TACC2: variants seen among roughly 807,000 people sequenced by gnomAD.
The protein encoded by TACC2 is transforming acidic coiled-coil containing protein 2.
In TACC2, 137 loss-of-function variants were observed where a neutral mutation model predicts 227.3. The ratio of observed to expected loss-of-function variants is 0.60; its 90% CI spans 0.52 to 0.69. The LOEUF is 0.69. TACC2 is among the 30% of genes least tolerant of loss of function. The pLI is 0.00. For synonymous variants in TACC2, 1,523 were observed against 1,487.5 expected (o/e 1.02, Z -0.55); for missense variants, 3,470 against 3,694.4 (o/e 0.94, Z 1.57).
chr10:121,992,728 G>C (rs184001964), intron 1 of TACC2, among the ~76,000 whole-genome samples: 77 of 152,168 alleles, frequency 5.1e-4, no homozygotes, highest in Non-Finnish European at 9.3e-4. Context: ...GCCAAGGAGG[G>C]TGGATTGCCT....
At chr10:122,032,641 G>T (rs551492145) in intron 2 of TACC2, among the ~76,000 whole-genome samples, 1 of 152,218 alleles carries the variant, frequency 6.6e-6, no homozygotes, top group Non-Finnish European at 1.5e-5. Flanking sequence ...CAGCATGGGT[G>T]CATGCCTCAT....
chr10:122,040,776 A>G (rs2074157811), intron 2 of TACC2, among the ~76,000 whole-genome samples: 1 of 152,230 alleles, frequency 6.6e-6, no homozygotes, highest in South Asian at 2.1e-4. Flanking sequence ...AACTCTAGAA[A>G]CTGTGATCAA....
Position 122,141,890 on chromosome 10 carries a change from GT to G in TACC2, c.5700-1681del, listed in dbSNP as rs2090619350. On this transcript the variant is annotated intron_variant, in intron 6 of 22. Coordinates refer to ENST00000369005, the MANE Select transcript of TACC2 (RefSeq NM_206862.4). This position sits in a 1 kb window ranked among gnomAD's most constrained non-coding sequence, Gnocchi z 4.3. ...GAAGTTAGACTAGTAGTTTGCGTTT[GT>G]AAGTGGTCCATTTGCCGATTATGAG... Among the ~76,000 whole-genome samples, 1 of 152,174 alleles carries G rather than the reference GT, an allele frequency of 6.6e-6. No individual in the cohort carries two copies. The highest frequency in any genetic ancestry group is 2.4e-5 in the African/African-American group (1 of 41,448).
At chr10:122,228,125 C>T (rs551134928) in intron 14 of TACC2, 117 bp downstream of exon 14, 29 of 1,096,920 alleles carry the variant, frequency 2.6e-5, no homozygotes, top group Admixed American at 2.6e-4. Context: ...CCATGGGTCC[C>T]ACCCTGACTC....
At chr10:122,118,258 G>A (rs867004399) in intron 5 of TACC2, among the ~76,000 whole-genome samples, 7 of 152,154 alleles carry the variant, frequency 4.6e-5, no homozygotes, top group Middle Eastern at 3.4e-3. Flanking sequence ...CAGGCCATCC[G>A]GCCGCCTCGG....
At chr10:122,034,013 G>A (rs941594728) in intron 2 of TACC2, among the ~76,000 whole-genome samples, 4 of 151,958 alleles carry the variant, frequency 2.6e-5, no homozygotes, top group Non-Finnish European at 5.9e-5. Flanking sequence ...TTAGCTAGGC[G>A]TGGTGGCGCA....
chr10:122,244,294 C>G (rs1271849124), intron 19 of TACC2, among the ~76,000 whole-genome samples: 2 of 152,202 alleles, frequency 1.3e-5, no homozygotes, highest in Non-Finnish European at 2.9e-5. Flanking sequence ...CCTGAGACTC[C>G]TCCAGTGTCC....
intron 3 of TACC2, among the ~76,000 whole-genome samples, chr10:122,055,245 AG>A (rs2076110768): frequency 6.6e-6 from 1 of 152,124 alleles, no homozygotes; most frequent in Non-Finnish European, 1.5e-5. Context: ...AAAAAAGTGA[AG>A]AAGGGTGACG....
chr10:122,162,240 G>T (rs1166428518), intron 7 of TACC2, among the ~76,000 whole-genome samples: 2 of 152,210 alleles, frequency 1.3e-5, no homozygotes, highest in Non-Finnish European at 2.9e-5. Flanking sequence ...TGGAAAGTCA[G>T]TCCCCGTGAA....
chr10:122,012,834 G>A (rs571362030), intron 1 of TACC2, among the ~76,000 whole-genome samples: 5 of 152,166 alleles, frequency 3.3e-5, no homozygotes, highest in Non-Finnish European at 7.3e-5. Flanking sequence ...GGTGCTGCAG[G>A]AATCAGTAAA....
At chr10:122,088,750 C>T in intron 5 of TACC2, 159 bp downstream of exon 5, 1 of 1,535,012 alleles carries the variant, frequency 6.5e-7, no homozygotes. Flanking sequence ...TACAGCAGTA[C>T]CTGGGATGAC....
At chr10:122,125,624 G>A (rs1332650437) in intron 5 of TACC2, among the ~76,000 whole-genome samples, 5 of 152,154 alleles carry the variant, frequency 3.3e-5, no homozygotes, top group Admixed American at 6.5e-5. Flanking sequence ...GTGAAGCTCT[G>A]CCACCCCAGG....
At chr10:122,223,760 A>T (rs2095568182) in intron 11 of TACC2, among the ~76,000 whole-genome samples, 1 of 152,192 alleles carries the variant, frequency 6.6e-6, no homozygotes, top group African/African-American at 2.4e-5. Context: ...TTTTCATCTT[A>T]AAAAAAGTTG....
intron 22 of TACC2, among the ~76,000 whole-genome samples, chr10:122,251,117 G>A (rs1196803164): frequency 6.6e-6 from 1 of 151,590 alleles, no homozygotes; most frequent in Non-Finnish European, 1.5e-5. Flanking sequence ...TAGAGATGGG[G>A]TCTCACTTTG....
chr10:122,098,644 T>G (rs1328972027), intron 5 of TACC2, among the ~76,000 whole-genome samples: 1 of 152,230 alleles, frequency 6.6e-6, no homozygotes, highest in Non-Finnish European at 1.5e-5. Flanking sequence ...CCACCTGGCA[T>G]GCAGTAAGCA....
intron 7 of TACC2, among the ~76,000 whole-genome samples, chr10:122,184,947 G>C (rs2094128715): frequency 6.6e-6 from 1 of 151,590 alleles, no homozygotes. Flanking sequence ...AAGCTCTAGT[G>C]GTTGGCCAGA....
intron 2 of TACC2, among the ~76,000 whole-genome samples, chr10:122,035,998 A>G (rs1318758683): frequency 2.0e-5 from 3 of 152,036 alleles, no homozygotes; most frequent in South Asian, 2.1e-4. Context: ...TGTGAATTAA[A>G]CTACTGTAGG....
rs760096865 is a variant in TACC2 at position 122,086,884 on chromosome 10, C to T, written c.4384C>T (p.Leu1462Phe). The change falls in exon 4 of 23, where the codon CTT (leucine) becomes TTT (phenylalanine). Residue 1462 changes from leucine (L) to phenylalanine (F), a missense_variant. Coordinates refer to ENST00000369005, the MANE Select transcript of TACC2 (RefSeq NM_206862.4). ...TGGGCCTCCAGGAGTGGATGTCACC[C>T]TTCTCCCTGCACCTCCTGCTCGACT... The part of the protein sequence containing the change: ...LDGPPGVDVT[L>F]LPAPPARLQV... 6.2e-6 allele frequency: 10 copies of T among 1,613,952 alleles called. No individual in the cohort carries two copies. Among genetic ancestry groups the T allele is most frequent in the Non-Finnish European group, 8.5e-6 (10 of 1,179,992 alleles).
intron 6 of TACC2, among the ~76,000 whole-genome samples, chr10:122,136,763 A>G (rs1342760776): frequency 2.0e-5 from 3 of 152,082 alleles, no homozygotes; most frequent in African/African-American, 7.2e-5. Flanking sequence ...CATGATGGCC[A>G]GACTAGTCTC....
Sources: gnomAD v4.1 joint callset for allele counts (sites outside exome capture counted in the v4.1 genomes callset) on GRCh38, gnomAD v4.1.1 for gene constraint, Gnocchi (gnomAD v3.1) non-coding constraint, MANE v1.5 for transcripts, NCBI Gene and HGNC (gene_info 2026-07-23, HGNC 2026-07-21) for gene names.